TAFA5: variants seen among roughly 807,000 people sequenced by gnomAD.
TAFA5 encodes the protein TAFA chemokine like family member 5.
Under a neutral mutation model 15.3 loss-of-function variants are expected in TAFA5, and 6 were observed. The observed-to-expected ratio is 0.39, with a 90% CI of 0.21 to 0.77. The LOEUF is 0.77. Among genes scored for constraint, TAFA5 ranks in the 30% least tolerant of loss-of-function variants. The pLI is 0.41. For synonymous variants in TAFA5, 103 were observed against 80.7 expected, an observed-to-expected ratio of 1.28 and a Z score of -1.48; for missense variants, 161 against 193.1, an observed-to-expected ratio of 0.83 and a Z score of 0.98.
chr22:48,505,849 A>G (rs1048014331), intron 1 of TAFA5, among the ~76,000 whole-genome samples: 2 of 152,196 alleles, frequency 1.3e-5, no homozygotes, highest in African/African-American at 4.8e-5. Flanking sequence ...ACAGATTACA[A>G]TCTGCAAAGG....
chr22:48,619,155 T>C (rs1925716398), intron 1 of TAFA5, among the ~76,000 whole-genome samples: 1 of 152,194 alleles, frequency 6.6e-6, no homozygotes, highest in South Asian at 2.1e-4. Flanking sequence ...CTTCCTCTTC[T>C]GAGTGCAGCC....
chr22:48,592,805 T>C (rs1417941346), intron 1 of TAFA5, among the ~76,000 whole-genome samples: 2 of 152,008 alleles, frequency 1.3e-5, no homozygotes, highest in Non-Finnish European at 1.5e-5. Context: ...TTCTGGGGCA[T>C]TTGTAGGAGA....
At chr22:48,561,466 C>G (rs952966825) in intron 1 of TAFA5, among the ~76,000 whole-genome samples, 2 of 152,098 alleles carry the variant, frequency 1.3e-5, no homozygotes, top group Non-Finnish European at 2.9e-5. Context: ...TTTCCAGCCT[C>G]GTTTCGTGGA....
rs144973255 is a variant in TAFA5 at position 48,569,768 on chromosome 22, G to A, written c.113-76829G>A. ...CTCCCGCAGGCCTTGCTTGGGTTCCGGGTACTGGTGAGGCCCATGGCTGCC... is the reference window on the plus strand; with the variant it reads ...CTCCCGCAGGCCTTGCTTGGGTTCCAGGTACTGGTGAGGCCCATGGCTGCC... On this transcript the variant is annotated intron_variant, in intron 1 of 3. Transcript: ENST00000402357. Among the ~76,000 whole-genome samples the A allele has an allele frequency of 1.7e-3, 258 of 152,326 alleles. 2 individuals carry two copies. In the South Asian group the frequency reaches 0.021, roughly 12 times the overall value.
At chr22:48,677,512 G>A (rs771620556) in intron 2 of TAFA5, among the ~76,000 whole-genome samples, 24 of 152,314 alleles carry the variant, frequency 1.6e-4, no homozygotes, top group Non-Finnish European at 3.1e-4. Flanking sequence ...TGACCAGAGG[G>A]GCCAATCAGC....
intron 3 of TAFA5, among the ~76,000 whole-genome samples, chr22:48,748,247 G>A (rs1412205825): frequency 1.3e-5 from 2 of 152,208 alleles, no homozygotes; most frequent in Admixed American, 6.5e-5. Flanking sequence ...CTCACTCTGG[G>A]GCCAATTCTG....
chr22:48,539,915 G>A (rs1002007327), intron 1 of TAFA5, among the ~76,000 whole-genome samples: 10 of 143,246 alleles, frequency 7.0e-5, no homozygotes, highest in East Asian at 3.9e-4. Flanking sequence ...CAGAAGGTGG[G>A]AGGGGATGGG....
At chr22:48,506,123 C>G (rs565098592) in intron 1 of TAFA5, among the ~76,000 whole-genome samples, 1 of 152,210 alleles carries the variant, frequency 6.6e-6, no homozygotes. Context: ...CTCCCTGTCT[C>G]CAGGGTGCAG....
intron 1 of TAFA5, among the ~76,000 whole-genome samples, chr22:48,631,165 T>C (rs1456826295): frequency 6.6e-6 from 1 of 152,192 alleles, no homozygotes; most frequent in Non-Finnish European, 1.5e-5. Context: ...TGGGATGACC[T>C]GCCATCTGCT....
At chr22:48,743,855 C>T (rs937461255) in intron 3 of TAFA5, among the ~76,000 whole-genome samples, 1 of 152,216 alleles carries the variant, frequency 6.6e-6, no homozygotes, top group African/African-American at 2.4e-5. Context: ...ACAGATGATC[C>T]GTCCGCACAT....
At position 48,639,538 on chromosome 22, in the gene TAFA5, A is replaced by C. The variant is rs80070054; in HGVS notation, c.113-7059A>C. Among the ~76,000 whole-genome samples, 36 of 152,286 alleles carry C rather than the reference A, an allele frequency of 2.4e-4. No individual in the cohort carries two copies. In the East Asian group the frequency reaches 6.8e-3, roughly 29 times the overall value. On this transcript the variant is annotated intron_variant, in intron 1 of 3. Transcript: ENST00000402357. Reference sequence around the variant, plus strand: ...CCCAGGCTGAGCTCCAGACACCCTGAGGGCCTGTTTCCCGCCAGGGAGGCC... The same window carrying C: ...CCCAGGCTGAGCTCCAGACACCCTGCGGGCCTGTTTCCCGCCAGGGAGGCC...
At chr22:48,678,864 G>C (rs958909680) in intron 2 of TAFA5, among the ~76,000 whole-genome samples, 2 of 118,476 alleles carry the variant, frequency 1.7e-5, no homozygotes, top group Non-Finnish European at 3.7e-5. Context: ...TCTGAGTTCC[G>C]GTGCCAGGGC....
At chr22:48,630,914 G>A (rs539536493) in intron 1 of TAFA5, among the ~76,000 whole-genome samples, 1 of 152,144 alleles carries the variant, frequency 6.6e-6, no homozygotes, top group East Asian at 1.9e-4. Flanking sequence ...CACCTGCATG[G>A]GGGGAGCCCG....
At chr22:48,501,748 C>G (rs561885177) in intron 1 of TAFA5, among the ~76,000 whole-genome samples, 14 of 152,152 alleles carry the variant, frequency 9.2e-5, no homozygotes, top group African/African-American at 3.4e-4. Context: ...AGGGGTGTGG[C>G]GGAGTGAGGG....
chr22:48,536,031 C>T (rs937664842), intron 1 of TAFA5, among the ~76,000 whole-genome samples: 1 of 152,202 alleles, frequency 6.6e-6, no homozygotes, highest in Non-Finnish European at 1.5e-5. Context: ...CAGGAGTGCC[C>T]GTGTTGTCGA....
At chr22:48,697,911 TATG>T (rs1407761171) in intron 2 of TAFA5, among the ~76,000 whole-genome samples, 4 of 110,592 alleles carry the variant, frequency 3.6e-5, no homozygotes, top group Admixed American at 8.4e-5. Context: ...GTGATGACAA[TATG>T]ATGATGGTGG....
intron 2 of TAFA5, among the ~76,000 whole-genome samples, chr22:48,656,769 T>A (rs1395552421): frequency 4.8e-4 from 15 of 31,240 alleles, no homozygotes; most frequent in East Asian, 9.5e-4. Flanking sequence ...TTTTTTTTTT[T>A]TTTTTTTTTT....
At chr22:48,612,741 G>A (rs1284471129) in intron 1 of TAFA5, among the ~76,000 whole-genome samples, 2 of 152,156 alleles carry the variant, frequency 1.3e-5, no homozygotes, top group East Asian at 3.9e-4. Flanking sequence ...AAACCCTCCT[G>A]GGCAACCCTG....
intron 1 of TAFA5, among the ~76,000 whole-genome samples, chr22:48,584,070 C>A (rs1313734437): frequency 6.7e-6 from 1 of 149,766 alleles, no homozygotes; most frequent in African/African-American, 2.5e-5. Context: ...ACATACCAGA[C>A]ACCACACACC....
Sources: allele counts gnomAD v4.1 joint callset (sites outside exome capture counted in the v4.1 genomes callset), GRCh38; gene constraint gnomAD v4.1.1; transcripts MANE v1.5; gene names NCBI Gene and HGNC (gene_info 2026-07-23, HGNC 2026-07-21).